HFM1: variants seen among roughly 807,000 people sequenced by gnomAD.
The protein encoded by HFM1 is helicase for meiosis 1, also known as probable ATP-dependent DNA helicase HFM1.
In HFM1, 169 loss-of-function variants were observed where a neutral mutation model predicts 192.1. The observed-to-expected ratio is 0.88, with a 90% CI of 0.78 to 1.00. The LOEUF is 1.00. Ranked by LOEUF, HFM1 falls within the 50% of genes least tolerant of loss-of-function variation. The probability of loss-of-function intolerance (pLI) is 0.00; values close to 1 mark genes in which losing one functional copy is unlikely to be tolerated. For missense variants in HFM1, 1,661 were observed against 1,668.0 expected (o/e 1.00, Z 0.07); for synonymous variants, 525 against 537.8 (o/e 0.98, Z 0.33).
At chr1:91,273,576 A>G in intron 34 of HFM1, 136 bp downstream of exon 34, 1 of 537,088 alleles carries the variant, frequency 1.9e-6, no homozygotes, top group Non-Finnish European at 3.3e-6. Context: ...AAAATGATTC[A>G]GTAATCTAAG....
intron 25 of HFM1, among the ~76,000 whole-genome samples, chr1:91,318,492 G>A (rs749617226): frequency 6.6e-6 from 1 of 152,106 alleles, no homozygotes; most frequent in African/African-American, 2.4e-5. Flanking sequence ...CAAGGTCACA[G>A]GTACCAAACA....
intron 18 of HFM1, among the ~76,000 whole-genome samples, chr1:91,350,520 T>C (rs1656787359): frequency 6.6e-6 from 1 of 152,126 alleles, no homozygotes; most frequent in African/African-American, 2.4e-5. Context: ...CTATTTTTAA[T>C]GGTGTTGATT....
rs1039806843 is a variant in HFM1 at position 91,347,375 on chromosome 1, A to C, written c.2254+54T>G. The C allele has an allele frequency of 8.0e-6, 8 of 994,282 alleles. No homozygotes were observed. The African/African-American group carries it at 8.3e-5, about 10-fold the overall frequency. The allele number at this position is 994,282 out of a possible 1,614,324, so 61.6% of individuals were successfully genotyped here. A position where few individuals can be genotyped will look rare whatever the true frequency, so the allele number is the denominator to read the frequency against. On this transcript the variant is annotated intron_variant, in intron 19 of 38. Coordinates refer to ENST00000370425, the MANE Select transcript of HFM1 (RefSeq NM_001017975.6). ...CATATTCTTACTTTCACAATAACTGAACTTTTTCACTAAAATATATAGAAT... is the reference window on the plus strand; with the variant it reads ...CATATTCTTACTTTCACAATAACTGCACTTTTTCACTAAAATATATAGAAT...
At chr1:91,364,632 A>ATATTTTTTTT (rs753472335) in intron 13 of HFM1, among the ~76,000 whole-genome samples, 4 of 66,784 alleles carry the variant, frequency 6.0e-5, no homozygotes, top group African/African-American at 1.9e-4. Flanking sequence ...ATATATATAT[A>ATATTTTTTTT]TTTTTTTTTT....
At chr1:91,352,473 T>G in intron 16 of HFM1, 33 bp downstream of exon 16, 1 of 1,509,354 alleles carries the variant, frequency 6.6e-7, no homozygotes, top group Non-Finnish European at 8.9e-7. Context: ...TATCATGTTT[T>G]TAAGTATAAA....
chr1:91,336,174 T>G (rs1557869393), intron 20 of HFM1, among the ~76,000 whole-genome samples: 1 of 149,454 alleles, frequency 6.7e-6, no homozygotes, highest in Non-Finnish European at 1.5e-5. Flanking sequence ...TCTTGCAAGC[T>G]AAGATCCCTG....
intron 30 of HFM1, among the ~76,000 whole-genome samples, chr1:91,295,307 T>G (rs77854317): frequency 0.071 from 10,777 of 152,214 alleles, 514 homozygotes; most frequent in East Asian, 0.16. Context: ...GCAGATTGAG[T>G]GGCTTAAACA....
intron 13 of HFM1, among the ~76,000 whole-genome samples, chr1:91,366,978 A>C (rs1201256152): frequency 1.3e-5 from 2 of 152,186 alleles, no homozygotes. Context: ...CCTGGCTTGG[A>C]GGGTCCTACA....
At chr1:91,346,019 C>A (rs1181587013) in intron 19 of HFM1, among the ~76,000 whole-genome samples, 1 of 152,168 alleles carries the variant, frequency 6.6e-6, no homozygotes, top group Non-Finnish European at 1.5e-5. Flanking sequence ...ATATCATACA[C>A]AACTTTGATT....
In HFM1 at chr1:91,352,510, G is replaced by A. The variant is rs1657083436; in HGVS notation, c.1973C>T (p.Pro658Leu). 1.3e-6 allele frequency: 2 copies of A among 1,573,120 alleles called. No homozygotes were observed. Among genetic ancestry groups the A allele is most frequent in the Admixed American group, 1.9e-5 (1 of 53,716 alleles). Residue 658 changes from proline to leucine, a missense_variant, in exon 16 of 39, where the codon CCT becomes CTT. Physicochemically the swap from Pro to Leu is moderately conservative, Grantham distance 98 (BLOSUM62 -3). Coordinates refer to ENST00000370425, the MANE Select transcript of HFM1 (RefSeq NM_001017975.6). ...AGCAAAGTTATTGTCACTTACTTGA[G>A]GTCGACCAGCTCTACCAATCATCTG... ...ILQMIGRAGR[P>L]QFDTTATAVI...
At chr1:91,343,069 T>C (rs1041739473) in intron 20 of HFM1, among the ~76,000 whole-genome samples, 13 of 150,030 alleles carry the variant, frequency 8.7e-5, no homozygotes, top group African/African-American at 2.9e-4. Flanking sequence ...CTACTAAAAA[T>C]ACAAAAAAAA....
rs369341064 is a variant in HFM1 at position 91,319,331 on chromosome 1, G to T, written c.2642C>A (p.Thr881Asn). 8.8e-5 allele frequency: 142 copies of T among 1,612,476 alleles called. No homozygotes were observed. Among genetic ancestry groups the T allele is most frequent in the Non-Finnish European group, 1.1e-4 (125 of 1,178,740 alleles). The change falls in exon 24 of 39, where the codon ACC (threonine) becomes AAC (asparagine). Residue 881 changes from threonine (T) to asparagine (N), a missense_variant. Thr to Asn is a moderately conservative substitution (Grantham distance 65). Transcript: ENST00000370425. ...GGAGCCATGTCTGAAAATCTTTGCG[G>T]TATCTTGTGTCAAAGCAAAATCTTG... ...PIQDFALTQD[T>N]AKIFRHGSRI...
Position 91,379,231 on chromosome 1 carries a change from T to C in HFM1, c.1007-17A>G, listed in dbSNP as rs780815085. On this transcript the variant is annotated splice_polypyrimidine_tract_variant and intron_variant, in intron 8 of 38. Coordinates refer to ENST00000370425, the MANE Select transcript of HFM1 (RefSeq NM_001017975.6). ...TTGGTGCCACTGTAACAATATAAAA[T>C]ATTTACTTTGAACATCAGTTCAATT... 12 of 1,580,012 alleles carry C rather than the reference T, an allele frequency of 7.6e-6. No homozygotes were observed. The highest frequency in any genetic ancestry group is 1.0e-5 in the Non-Finnish European group (12 of 1,168,202).
At chr1:91,265,907 G>C in intron 36 of HFM1, 110 bp downstream of exon 36, 1 of 1,425,922 alleles carries the variant, frequency 7.0e-7, no homozygotes, top group Non-Finnish European at 9.4e-7. Context: ...GTTTAGGTTG[G>C]CTAATACCTT....
At chr1:91,326,887 G>A (rs1012024657) in intron 20 of HFM1, among the ~76,000 whole-genome samples, 2 of 152,112 alleles carry the variant, frequency 1.3e-5, no homozygotes, top group African/African-American at 4.8e-5. Context: ...AGTGTAGAGT[G>A]TCTATTAGTT....
chr1:91,406,882 G>A (rs936557740), upstream of HFM1, among the ~76,000 whole-genome samples: 1 of 152,070 alleles, frequency 6.6e-6, no homozygotes, highest in East Asian at 1.9e-4. Context: ...TGGTAAGAAA[G>A]GCAAGGCTCT....
intron 2 of HFM1, 38 bp from the exon 3 acceptor site, chr1:91,396,443 A>T: frequency 4.9e-6 from 5 of 1,027,630 alleles, no homozygotes; most frequent in Non-Finnish European, 7.3e-6. Flanking sequence ...ATATGTTAAT[A>T]AAGATATAAC....
intron 28 of HFM1, among the ~76,000 whole-genome samples, chr1:91,314,635 A>G (rs143097762): frequency 1.3e-5 from 2 of 152,292 alleles, no homozygotes; most frequent in East Asian, 1.9e-4. Context: ...CTTTGTATCA[A>G]TAACACATGA....
At chr1:91,324,561 T>C (rs1017039208) in intron 21 of HFM1, 114 bp downstream of exon 21, 1 of 619,738 alleles carries the variant, frequency 1.6e-6, no homozygotes, top group African/African-American at 1.9e-5. Context: ...TAGAAATGCT[T>C]TCTTTTCTGC....
Sources: allele counts gnomAD v4.1 joint callset (sites outside exome capture counted in the v4.1 genomes callset), GRCh38; gene constraint gnomAD v4.1.1; transcripts MANE v1.5; gene names NCBI Gene and HGNC (gene_info 2026-07-23, HGNC 2026-07-21).